EFR3B: variants seen among roughly 807,000 people sequenced by gnomAD.
EFR3B encodes EFR3 homolog B.
EFR3B carries 64 observed loss-of-function variants against 104.7 expected under a neutral mutation model. The observed-to-expected ratio is 0.61, with a 90% confidence interval of 0.50 to 0.75. The LOEUF is 0.75. Among genes scored for constraint, EFR3B ranks in the 30% least tolerant of loss-of-function variants. EFR3B has a pLI of 0.00. For missense variants in EFR3B, 750 were observed against 1,078.5 expected, an observed-to-expected ratio of 0.70 and a Z score of 4.27; for synonymous variants, 385 against 417.9, an observed-to-expected ratio of 0.92 and a Z score of 0.96.
intron 5 of EFR3B, among the ~76,000 whole-genome samples, chr2:25,122,111 T>C (rs1050140551): frequency 1.6e-4 from 25 of 152,140 alleles, no homozygotes; most frequent in Admixed American, 1.4e-3. Flanking sequence ...GGATTACAGA[T>C]GTGCACCACC....
In EFR3B at chr2:25,093,071, T is replaced by A. The variant is rs1448931169; in HGVS notation, c.153T>A (p.Asp51Glu). ...CCCTCTCAGCTCCAGAAAAACTTGA[T>A]CGTATTGGCGCCTACCTCTCTGAGA... ...FYALSAPEKL[D>E]RIGAYLSERL... Residue 51 changes from aspartate to glutamate, a missense_variant, in exon 3 of 23, where the codon GAT becomes GAA. Physicochemically the swap from Asp to Glu is conservative, Grantham distance 45 (BLOSUM62 2). Transcript: ENST00000403714. The A allele has an allele frequency of 6.4e-7, 1 of 1,551,396 alleles. No homozygotes were observed. Among genetic ancestry groups the A allele is most frequent in the Admixed American group, 2.0e-5 (1 of 51,008 alleles).
At chr2:25,107,390 C>T (rs1012453969) in intron 4 of EFR3B, among the ~76,000 whole-genome samples, 8 of 152,186 alleles carry the variant, frequency 5.3e-5, no homozygotes, top group Admixed American at 3.9e-4. Flanking sequence ...CTCTGCAGAA[C>T]GTCTCTTCAG....
In EFR3B at chr2:25,114,912, G is replaced by A. The variant is rs1163554881; in HGVS notation, c.364-6761G>A. On this transcript the variant is annotated intron_variant, in intron 4 of 22. Transcript: ENST00000403714. This position sits in a 1 kb window ranked among gnomAD's most constrained non-coding sequence, Gnocchi z 4.0. ...TAAGGATGCAGGTACCTGGCCGGGC[G>A]CAGTGGCTGACGCCTGTAATCCCAG... Among the ~76,000 whole-genome samples, 1 of 152,190 alleles carries A rather than the reference G, an allele frequency of 6.6e-6. No homozygotes were observed. The highest frequency in any genetic ancestry group is 1.9e-4 in the East Asian group (1 of 5,192).
intron 1 of EFR3B, among the ~76,000 whole-genome samples, chr2:25,089,415 A>G (rs916224153): frequency 5.3e-5 from 8 of 152,268 alleles, no homozygotes; most frequent in Admixed American, 1.3e-4. Context: ...AACTGACACT[A>G]CAATTTTTTT....
intron 4 of EFR3B, among the ~76,000 whole-genome samples, chr2:25,108,225 G>A (rs1353706285): frequency 6.6e-6 from 1 of 152,194 alleles, no homozygotes; most frequent in Non-Finnish European, 1.5e-5. Context: ...AGGTGGGGGA[G>A]TCAGGGCCAG....
intron 21 of EFR3B, among the ~76,000 whole-genome samples, chr2:25,152,341 A>T (rs1346086726): frequency 6.6e-6 from 1 of 152,204 alleles, no homozygotes; most frequent in African/African-American, 2.4e-5. Context: ...CAGTCAGATC[A>T]TGCTCACTGT....
chr2:25,141,521 C>T, intron 17 of EFR3B, 88 bp downstream of exon 17: 1 of 1,382,860 alleles, frequency 7.2e-7, no homozygotes, highest in Non-Finnish European at 9.8e-7. Context: ...GGGTCAATGC[C>T]AGGAGGCTCA....
intron 1 of EFR3B, among the ~76,000 whole-genome samples, chr2:25,053,966 C>G (rs1667952574): frequency 1.3e-5 from 2 of 152,208 alleles, no homozygotes; most frequent in African/African-American, 2.4e-5. Context: ...ATCTTCAGGT[C>G]TAAGCAGCAA....
chr2:25,138,329 A>T (rs1405101010), intron 15 of EFR3B, among the ~76,000 whole-genome samples: 1 of 152,218 alleles, frequency 6.6e-6, no homozygotes, highest in Non-Finnish European at 1.5e-5. Flanking sequence ...CTCCTTTGCG[A>T]TGCGCAGGCA....
intron 3 of EFR3B, 40 bp from the exon 4 acceptor site, chr2:25,103,597 C>G: frequency 2.6e-6 from 4 of 1,532,806 alleles, no homozygotes; most frequent in Non-Finnish European, 3.5e-6. Flanking sequence ...CATGGGGTGG[C>G]AGGGGCGCGG....
intron 1 of EFR3B, among the ~76,000 whole-genome samples, chr2:25,090,732 T>C (rs1175140033): frequency 1.3e-5 from 2 of 152,192 alleles, no homozygotes; most frequent in Non-Finnish European, 2.9e-5. Context: ...TTTATCATAG[T>C]TGCACATAAC....
At chr2:25,098,096 G>A (rs151185076) in intron 3 of EFR3B, among the ~76,000 whole-genome samples, 50 of 152,172 alleles carry the variant, frequency 3.3e-4, no homozygotes, top group African/African-American at 1.1e-3. Flanking sequence ...TAGGGATACC[G>A]CAGACCCCTA....
intron 1 of EFR3B, among the ~76,000 whole-genome samples, chr2:25,086,884 C>T (rs958143990): frequency 2.0e-5 from 3 of 152,168 alleles, no homozygotes; most frequent in Non-Finnish European, 2.9e-5. Flanking sequence ...TGAACCACCC[C>T]GTCTGGCCCC....
intron 4 of EFR3B, among the ~76,000 whole-genome samples, chr2:25,113,678 A>G (rs1013597710): frequency 1.2e-4 from 13 of 109,832 alleles, no homozygotes; most frequent in East Asian, 4.7e-4. Flanking sequence ...AAAAAAAAAA[A>G]AAAAGAAAAG....
In EFR3B at chr2:25,115,593, A is replaced by G. The variant is rs566793260; in HGVS notation, c.364-6080A>G. 3.3e-5 allele frequency among the ~76,000 whole-genome samples: 5 copies of G among 152,300 alleles called. No homozygotes were observed. In the South Asian group the frequency reaches 1.0e-3, roughly 32 times the overall value. Reference sequence around the variant, plus strand: ...CTGGAACCTCTGCACGTTACCTTATATGGAAACAGGGTCTTGGCGGCTGTG... The same window carrying G: ...CTGGAACCTCTGCACGTTACCTTATGTGGAAACAGGGTCTTGGCGGCTGTG... On this transcript the variant is annotated intron_variant, in intron 4 of 22. Transcript: ENST00000403714.
At chr2:25,092,981 C>T in intron 2 of EFR3B, 22 bp from the exon 3 acceptor site, 1 of 1,540,364 alleles carries the variant, frequency 6.5e-7, no homozygotes, top group Non-Finnish European at 8.7e-7. Context: ...CCATAGTGAG[C>T]ACAAGCTGTT....
chr2:25,119,783 AC>A (rs1156654798), intron 4 of EFR3B, among the ~76,000 whole-genome samples: 1 of 152,210 alleles, frequency 6.6e-6, no homozygotes. Flanking sequence ...ATAAAACACT[AC>A]AATAATTAAT....
intron 3 of EFR3B, among the ~76,000 whole-genome samples, chr2:25,094,315 C>T (rs1489377162): frequency 7.2e-6 from 1 of 138,664 alleles, no homozygotes; most frequent in Non-Finnish European, 1.5e-5. Context: ...AAAAGAAACA[C>T]TCAAAGTTTA....
intron 3 of EFR3B, among the ~76,000 whole-genome samples, chr2:25,098,420 A>G (rs1298250463): frequency 6.6e-6 from 1 of 152,064 alleles, no homozygotes; most frequent in Admixed American, 6.6e-5. Context: ...GCCAGTTCAG[A>G]TTCTCAGACC....
Sources: allele counts gnomAD v4.1 joint callset (sites outside exome capture counted in the v4.1 genomes callset), GRCh38; gene constraint gnomAD v4.1.1; non-coding constraint Gnocchi (gnomAD v3.1); transcripts MANE v1.5; gene names NCBI Gene and HGNC (gene_info 2026-07-23, HGNC 2026-07-21).